The following KLC1 variants were observed in gnomAD, a reference collection of about 807,000 sequenced individuals.
KLC1 encodes the protein kinesin light chain 1.
KLC1 carries 30 observed loss-of-function variants against 84.2 expected under a neutral mutation model. The ratio of observed to expected loss-of-function variants is 0.36; its 90% confidence interval spans 0.27 to 0.48. The LOEUF is 0.48. Ranked by LOEUF, KLC1 falls within the 20% of genes least tolerant of loss-of-function variation. The pLI is 0.99. For synonymous variants in KLC1, 289 were observed against 293.3 expected, an observed-to-expected ratio of 0.99 and a Z score of 0.15; for missense variants, 499 against 805.4, an observed-to-expected ratio of 0.62 and a Z score of 4.60.
At chr14:103,644,753 G>A (rs1393260760) in intron 1 of KLC1, among the ~76,000 whole-genome samples, 3 of 152,118 alleles carry the variant, frequency 2.0e-5, no homozygotes, top group African/African-American at 7.2e-5. Flanking sequence ...GAGAAGAGAA[G>A]AAAAAGAATA....
intron 15 of KLC1, chr14:103,699,220 T>C: frequency 6.5e-7 from 1 of 1,545,248 alleles, no homozygotes; most frequent in Non-Finnish European, 8.7e-7. Context: ...CGGCTGAGGG[T>C]CTTCTCGATG....
chr14:103,686,433 A>G (rs1567038424), intron 13 of KLC1: 1 of 157,822 alleles, frequency 6.3e-6, no homozygotes, highest in African/African-American at 2.4e-5. Context: ...ACTTATTAAT[A>G]CCTGAATCAA....
chr14:103,689,501 T>G (rs1452057808), intron 14 of KLC1, among the ~76,000 whole-genome samples: 1 of 152,196 alleles, frequency 6.6e-6, no homozygotes, highest in Non-Finnish European at 1.5e-5. Flanking sequence ...AACTGAATAA[T>G]CTTTCCAAAT....
chr14:103,660,067 A>G (rs920285763), intron 3 of KLC1, among the ~76,000 whole-genome samples: 2 of 152,182 alleles, frequency 1.3e-5, no homozygotes, highest in African/African-American at 4.8e-5. Context: ...ACTGGGGGTT[A>G]GGGCTTTAAC....
intron 13 of KLC1, chr14:103,682,477 T>G (rs1236574253): frequency 6.6e-6 from 1 of 151,730 alleles, no homozygotes; most frequent in Non-Finnish European, 1.5e-5. Flanking sequence ...TTGAGGTTAG[T>G]AGTTTGAGAC....
At chr14:103,658,505 C>T (rs1458415971) in intron 3 of KLC1, among the ~76,000 whole-genome samples, 1 of 147,412 alleles carries the variant, frequency 6.8e-6, no homozygotes, top group Non-Finnish European at 1.5e-5. Context: ...GAACTCCTGG[C>T]CTCAAGTGAT....
intron 1 of KLC1, among the ~76,000 whole-genome samples, chr14:103,643,568 G>A (rs1028309125): frequency 6.6e-6 from 1 of 152,222 alleles, no homozygotes; most frequent in Non-Finnish European, 1.5e-5. Flanking sequence ...GCCCAAGGTG[G>A]TCGGGGCACA....
chr14:103,678,810 T>C (rs1435593134), intron 12 of KLC1, among the ~76,000 whole-genome samples: 5 of 152,054 alleles, frequency 3.3e-5, no homozygotes, highest in African/African-American at 1.2e-4. Context: ...AGTTAAAAAA[T>C]GAGCAAAGGA....
At chr14:103,630,508 C>G (rs993903603) in intron 1 of KLC1, among the ~76,000 whole-genome samples, 1 of 152,084 alleles carries the variant, frequency 6.6e-6, no homozygotes, top group Non-Finnish European at 1.5e-5. Flanking sequence ...AGCTTTGATT[C>G]TTTGCATTAG....
chr14:103,654,848 C>G, intron 2 of KLC1, 23 bp downstream of exon 2: 2 of 1,594,190 alleles, frequency 1.3e-6, no homozygotes, highest in Non-Finnish European at 1.7e-6. Context: ...ATGACTCAGA[C>G]GTTATCAGGA....
intron 11 of KLC1, among the ~76,000 whole-genome samples, chr14:103,677,084 G>A (rs1326446587): frequency 6.6e-6 from 1 of 152,162 alleles, no homozygotes; most frequent in Non-Finnish European, 1.5e-5. Flanking sequence ...TCGTCTCCAG[G>A]GAAAGCATGC....
At chr14:103,651,299 C>T (rs1056832326) in intron 1 of KLC1, among the ~76,000 whole-genome samples, 7 of 152,202 alleles carry the variant, frequency 4.6e-5, no homozygotes. Context: ...TCGGCCACCG[C>T]GCCCAGCTTG....
At chr14:103,675,801 G>A in intron 11 of KLC1, 45 bp downstream of exon 11, 1 of 1,526,994 alleles carries the variant, frequency 6.5e-7, no homozygotes, top group Non-Finnish European at 9.1e-7. Context: ...AAAAGCAGGG[G>A]GAAGGTAATT....
intron 15 of KLC1, chr14:103,697,848 G>A (rs2082688649): frequency 6.6e-6 from 1 of 152,082 alleles, no homozygotes; most frequent in African/African-American, 2.4e-5. Context: ...CCACAGTGTG[G>A]GACTGGGTCT....
In KLC1 at chr14:103,693,565, T is replaced by C; in HGVS notation, c.1848+1140T>C. ...TTTTTTCATGCAGGAACGAAATAAT[T>C]GTCTGGCCGACTCGCGAGCTCTGAG... On this transcript the variant is annotated intron_variant, in intron 15 of 16. Transcript: ENST00000334553. The surrounding 1 kb of genome is among the most constrained non-coding windows in gnomAD (Gnocchi z 5.1). 1 of 1,536,146 alleles carries C rather than the reference T, an allele frequency of 6.5e-7. No homozygotes were observed. The highest frequency in any genetic ancestry group is 8.7e-7 in the Non-Finnish European group (1 of 1,146,908).
chr14:103,688,145 CTG>C (rs1555425202), intron 14 of KLC1: 1 of 152,170 alleles, frequency 6.6e-6, no homozygotes, highest in Non-Finnish European at 1.5e-5. Flanking sequence ...TTTCGTTACT[CTG>C]TCTTTTTCGT....
At chr14:103,665,046 G>A (rs1322102317) in intron 5 of KLC1, among the ~76,000 whole-genome samples, 2 of 151,862 alleles carry the variant, frequency 1.3e-5, no homozygotes, top group Non-Finnish European at 2.9e-5. Flanking sequence ...GTTGACCCAC[G>A]TGCGTAGATG....
chr14:103,635,620 AG>A (rs2076987872), intron 1 of KLC1, among the ~76,000 whole-genome samples: 1 of 152,058 alleles, frequency 6.6e-6, no homozygotes, highest in Non-Finnish European at 1.5e-5. Flanking sequence ...CGCGTGTGGT[AG>A]TATGCTTCTG....
chr14:103,666,383 C>T (rs1331878929), intron 5 of KLC1, among the ~76,000 whole-genome samples: 2 of 148,878 alleles, frequency 1.3e-5, no homozygotes, highest in African/African-American at 5.0e-5. Flanking sequence ...TTCTTAAACC[C>T]ACTTGATTTA....
Sources: gnomAD v4.1 joint callset for allele counts (sites outside exome capture counted in the v4.1 genomes callset) on GRCh38, gnomAD v4.1.1 for gene constraint, Gnocchi (gnomAD v3.1) non-coding constraint, MANE v1.5 for transcripts, NCBI Gene and HGNC (gene_info 2026-07-23, HGNC 2026-07-21) for gene names.